Variants in KIAA1549L observed in about 807,000 individuals in gnomAD.
KIAA1549L encodes the protein UPF0606 protein KIAA1549L.
In KIAA1549L, 88 loss-of-function variants were observed where a neutral mutation model predicts 160.7. The observed-to-expected ratio is 0.55, with a 90% confidence interval of 0.46 to 0.65. KIAA1549L has a LOEUF of 0.65. Ranked by LOEUF, KIAA1549L falls within the 30% of genes least tolerant of loss-of-function variation. The pLI is 0.00. For synonymous variants in KIAA1549L, 950 were observed against 976.7 expected, an observed-to-expected ratio of 0.97 and a Z score of 0.51; for missense variants, 2,258 against 2,437.5, an observed-to-expected ratio of 0.93 and a Z score of 1.55.
chr11:33,493,987 T>TGGA (rs1391244077), intron 1 of KIAA1549L, among the ~76,000 whole-genome samples: 1 of 152,190 alleles, frequency 6.6e-6, no homozygotes, highest in Non-Finnish European at 1.5e-5. Context: ...CAATCTTCTT[T>TGGA]AAAAGCTTTA....
At chr11:33,512,335 AT>A (rs954164103) in intron 1 of KIAA1549L, among the ~76,000 whole-genome samples, 3 of 152,244 alleles carry the variant, frequency 2.0e-5, no homozygotes, top group African/African-American at 7.2e-5. Flanking sequence ...ATTGGCTGAC[AT>A]TTAAAAAAGT....
At chr11:33,506,897 C>T (rs1027377861) in intron 1 of KIAA1549L, among the ~76,000 whole-genome samples, 1 of 152,142 alleles carries the variant, frequency 6.6e-6, no homozygotes, top group Non-Finnish European at 1.5e-5. Context: ...GGAAGCCCCA[C>T]CTCCCACCAA....
At chr11:33,650,259 C>T (rs930851713) in intron 17 of KIAA1549L, among the ~76,000 whole-genome samples, 1 of 152,106 alleles carries the variant, frequency 6.6e-6, no homozygotes, top group African/African-American at 2.4e-5. Context: ...AAATAAGTAC[C>T]CTTATAAGCT....
intron 1 of KIAA1549L, among the ~76,000 whole-genome samples, chr11:33,465,284 T>G (rs928451534): frequency 3.3e-5 from 5 of 151,972 alleles, no homozygotes; most frequent in Admixed American, 3.3e-4. Context: ...AAACTCCTGA[T>G]CTCAAGTGAT....
intron 1 of KIAA1549L, among the ~76,000 whole-genome samples, chr11:33,492,863 CT>C (rs1038309858): frequency 6.7e-6 from 1 of 150,186 alleles, no homozygotes; most frequent in Non-Finnish European, 1.5e-5. Flanking sequence ...TTTGGAGGAA[CT>C]TTTTTTTCTG....
At chr11:33,406,447 C>T (rs1850654744) in intron 1 of KIAA1549L, among the ~76,000 whole-genome samples, 1 of 152,234 alleles carries the variant, frequency 6.6e-6, no homozygotes, top group African/African-American at 2.4e-5. Context: ...CCGGGCTTTC[C>T]ATTGGGTGCC....
intron 1 of KIAA1549L, among the ~76,000 whole-genome samples, chr11:33,522,794 GA>G (rs1165534925): frequency 6.6e-6 from 1 of 152,044 alleles, no homozygotes; most frequent in Non-Finnish European, 1.5e-5. Context: ...AGCTACCTGG[GA>G]GACTGAGGCA....
chr11:33,521,355 C>T (rs1247434930), intron 1 of KIAA1549L, among the ~76,000 whole-genome samples: 3 of 152,270 alleles, frequency 2.0e-5, no homozygotes, highest in East Asian at 3.9e-4. Context: ...ACTTACTTAC[C>T]GACTGTATGA....
intron 16 of KIAA1549L, among the ~76,000 whole-genome samples, chr11:33,638,014 C>T (rs2133388283): frequency 6.6e-6 from 1 of 152,336 alleles, no homozygotes; most frequent in South Asian, 2.1e-4. Flanking sequence ...TCTTCTCCTC[C>T]TTCAGGTCTG....
intron 6 of KIAA1549L, among the ~76,000 whole-genome samples, chr11:33,553,688 C>G (rs1468299829): frequency 6.6e-6 from 1 of 152,148 alleles, no homozygotes; most frequent in Non-Finnish European, 1.5e-5. Flanking sequence ...CTTTTTCTTT[C>G]TGATTGGATT....
intron 1 of KIAA1549L, among the ~76,000 whole-genome samples, chr11:33,516,636 A>G (rs1406443959): frequency 6.6e-6 from 1 of 152,224 alleles, no homozygotes; most frequent in African/African-American, 2.4e-5. Context: ...TATGAGGGAA[A>G]AAATAAATTC....
In KIAA1549L at chr11:33,446,180, C is replaced by T. The variant is rs185604574; in HGVS notation, c.238+69291C>T. Among the ~76,000 whole-genome samples the T allele has an allele frequency of 4.6e-5, 7 of 151,696 alleles. No homozygotes were observed. In the East Asian group the frequency reaches 9.7e-4, roughly 21 times the overall value. ...TGCCGTCTCAGCTCACTGCAACCTC[C>T]GCCTCCCAGGCTCAAGCGATTATCC... On this transcript the variant is annotated intron_variant, in intron 1 of 20. Coordinates refer to ENST00000658780, the MANE Select transcript of KIAA1549L (RefSeq NM_012194.3).
intron 1 of KIAA1549L, among the ~76,000 whole-genome samples, chr11:33,498,587 C>T (rs546537120): frequency 2.6e-5 from 4 of 152,212 alleles, no homozygotes; most frequent in South Asian, 4.2e-4. Context: ...ACATGGCAGC[C>T]GACTTCATCC....
rs1212966509 is a variant in KIAA1549L, at chr11:33,482,386, G to GT, written c.239-59410dup. ...GAGGTGGTGACAATGGGACATTGTT[G>GT]TTTTTTCCCCCCAGTGACTATAAAA... On this transcript the variant is annotated intron_variant, in intron 1 of 20. Coordinates refer to ENST00000658780, the MANE Select transcript of KIAA1549L (RefSeq NM_012194.3). Among the ~76,000 whole-genome samples the GT allele has an allele frequency of 4.0e-5, 6 of 151,838 alleles. No homozygotes were observed. In the South Asian group the frequency reaches 1.0e-3, roughly 26 times the overall value.
chr11:33,530,434 AAAATATATATATATATATATAT>A lies in KIAA1549L; in HGVS notation c.239-11366_239-11345del, dbSNP rs1853733618. On this transcript the variant is annotated intron_variant, in intron 1 of 20. Transcript: ENST00000658780. Reference sequence around the variant, plus strand: ...AGAAGGAAAAAAAAAAAAAAAAAAAAAAATATATATATATATATATATATATATATATATATATATATATATA... The same window carrying A: ...AGAAGGAAAAAAAAAAAAAAAAAAAAATATATATATATATATATATATATA... 8.8e-4 allele frequency among the ~76,000 whole-genome samples: 6 copies of A among 6,850 alleles called. 1 individual carries two copies. The highest frequency in any genetic ancestry group is 3.8e-3 in the African/African-American group (6 of 1,588). The allele number at this position is 6,850 out of a possible 152,430, so 4.5% of individuals were successfully genotyped here.
intron 1 of KIAA1549L, among the ~76,000 whole-genome samples, chr11:33,460,289 A>C (rs1297743817): frequency 6.6e-6 from 1 of 151,942 alleles, no homozygotes; most frequent in Non-Finnish European, 1.5e-5. Flanking sequence ...GGAGCATGAG[A>C]TTGAGGTGTG....
chr11:33,641,295 G>GAC (rs1288516616), intron 16 of KIAA1549L, among the ~76,000 whole-genome samples: 1 of 152,084 alleles, frequency 6.6e-6, no homozygotes, highest in Non-Finnish European at 1.5e-5. Flanking sequence ...ATGATTATAA[G>GAC]ACACTGACCC....
At chr11:33,479,656 C>G (rs1227088645) in intron 1 of KIAA1549L, among the ~76,000 whole-genome samples, 2 of 152,202 alleles carry the variant, frequency 1.3e-5, no homozygotes, top group Non-Finnish European at 2.9e-5. Flanking sequence ...ATTAAAGAGA[C>G]AGAGCTTGTG....
chr11:33,670,362 G>A lies in KIAA1549L; in HGVS notation c.*2208G>A, dbSNP rs977810698. The A allele has an allele frequency of 1.3e-5, 2 of 152,240 alleles. No homozygotes were observed. The highest frequency in any genetic ancestry group is 4.8e-5 in the African/African-American group (2 of 41,462). The allele number at this position is 152,240 out of a possible 1,614,324, so 9.4% of individuals were successfully genotyped here. ...ATGACTTACAGAGACTGAGTCTACA[G>A]TTTGCAGAGCTATGGCTCCAGAGTG... is the stretch of plus-strand genomic sequence containing the variant. On this transcript the variant is annotated 3_prime_UTR_variant, in exon 21 of 21. Transcript: ENST00000658780.
Sources: allele counts gnomAD v4.1 joint callset (sites outside exome capture counted in the v4.1 genomes callset), GRCh38; gene constraint gnomAD v4.1.1; transcripts MANE v1.5; gene names NCBI Gene and HGNC (gene_info 2026-07-23, HGNC 2026-07-21).